The following FAM13A variants were observed in gnomAD, a reference collection of about 807,000 sequenced individuals.
FAM13A encodes the protein protein FAM13A.
FAM13A carries 76 observed loss-of-function variants against 129.6 expected under a neutral mutation model. The ratio of observed to expected loss-of-function variants is 0.59; its 90% CI spans 0.49 to 0.71. The LOEUF (loss-of-function observed/expected upper bound fraction) is 0.71, where lower values mean the gene tolerates loss of function less well. FAM13A is among the 30% of genes least tolerant of loss of function. FAM13A has a pLI of 0.00. For missense variants in FAM13A, 1,108 were observed against 1,249.3 expected (o/e 0.89, Z 1.70); for synonymous variants, 443 against 449.9 (o/e 0.98, Z 0.20).
At chr4:89,022,707 A>G (rs1466096548) in intron 2 of FAM13A, among the ~76,000 whole-genome samples, 1 of 152,146 alleles carries the variant, frequency 6.6e-6, no homozygotes, top group African/African-American at 2.4e-5. Flanking sequence ...ATATTTTAAG[A>G]TTAAGTTATA....
intron 4 of FAM13A, among the ~76,000 whole-genome samples, chr4:88,984,752 T>C (rs944668317): frequency 6.6e-6 from 1 of 152,208 alleles, no homozygotes; most frequent in Admixed American, 6.5e-5. Context: ...GTTTTATTTT[T>C]CTTTGAATAT....
At chr4:88,931,297 T>C (rs1015649636) in intron 5 of FAM13A, among the ~76,000 whole-genome samples, 2 of 152,158 alleles carry the variant, frequency 1.3e-5, no homozygotes, top group South Asian at 2.1e-4. Context: ...TGGGATTCTG[T>C]GTGGGTTCCC....
chr4:88,817,206 T>A (rs1265130495), intron 7 of FAM13A, among the ~76,000 whole-genome samples: 48 of 152,200 alleles, frequency 3.2e-4, no homozygotes, highest in Non-Finnish European at 1.0e-4. Flanking sequence ...GTGAATATAC[T>A]CAAAACTATT....
At chr4:88,987,837 T>TAAAAAAAAAA (rs1762432263) in intron 4 of FAM13A, among the ~76,000 whole-genome samples, 1 of 15,444 alleles carries the variant, frequency 6.5e-5, no homozygotes, top group African/African-American at 3.2e-4. Flanking sequence ...GAGACTCCTC[T>TAAAAAAAAAA]CAAAAAAAAA....
At chr4:88,848,004 T>C (rs1028417398) in intron 7 of FAM13A, among the ~76,000 whole-genome samples, 1 of 152,198 alleles carries the variant, frequency 6.6e-6, no homozygotes, top group Non-Finnish European at 1.5e-5. Context: ...TTCTTTTTAC[T>C]ATTTCACTTA....
intron 3 of FAM13A, among the ~76,000 whole-genome samples, chr4:89,009,764 G>T (rs553526528): frequency 8.5e-5 from 13 of 152,172 alleles, no homozygotes; most frequent in Non-Finnish European, 1.3e-4. Context: ...AGGAGAAAAG[G>T]GTTGACAAAC....
At chr4:89,014,255 G>T (rs565667474) in intron 3 of FAM13A, among the ~76,000 whole-genome samples, 2 of 152,164 alleles carry the variant, frequency 1.3e-5, no homozygotes, top group Non-Finnish European at 2.9e-5. Context: ...ACTATGTGGT[G>T]GGAAGAGGTG....
At chr4:88,930,588 G>A (rs533161889) in intron 5 of FAM13A, among the ~76,000 whole-genome samples, 1 of 152,148 alleles carries the variant, frequency 6.6e-6, no homozygotes, top group Non-Finnish European at 1.5e-5. Context: ...AATGGATTAA[G>A]TGTCCCTGTT....
intron 4 of FAM13A, among the ~76,000 whole-genome samples, chr4:88,950,162 A>C (rs1411130905): frequency 6.6e-6 from 1 of 151,902 alleles, no homozygotes; most frequent in Non-Finnish European, 1.5e-5. Flanking sequence ...AGTAATTATT[A>C]TTCTTAAGGA....
intron 6 of FAM13A, among the ~76,000 whole-genome samples, chr4:88,905,958 A>G (rs1320293439): frequency 1.3e-5 from 2 of 152,188 alleles, no homozygotes. Context: ...GGCTGAAGGA[A>G]ATGCAATCAA....
intron 14 of FAM13A, among the ~76,000 whole-genome samples, chr4:88,756,283 T>G (rs1743615252): frequency 6.6e-6 from 1 of 152,256 alleles, no homozygotes; most frequent in African/African-American, 2.4e-5. Flanking sequence ...ACATTCACTT[T>G]GCGAGAGTTC....
chr4:88,818,559 T>C (rs562739711), intron 7 of FAM13A, among the ~76,000 whole-genome samples: 4 of 152,318 alleles, frequency 2.6e-5, no homozygotes, highest in African/African-American at 9.6e-5. Context: ...ATCTTCTTTA[T>C]TTGGAGTAAT....
chr4:88,731,672 T>C (rs1388925718), intron 22 of FAM13A: 1 of 531,946 alleles, frequency 1.9e-6, no homozygotes, highest in Non-Finnish European at 3.3e-6. Context: ...TGAAATCCCA[T>C]GGCACTTTGT....
Position 88,767,601 on chromosome 4 carries a change from A to G in FAM13A, c.1536-6T>C. 1 of 1,591,470 alleles carries G rather than the reference A, an allele frequency of 6.3e-7. No homozygotes were observed. Among genetic ancestry groups the G allele is most frequent in the Non-Finnish European group, 8.5e-7 (1 of 1,171,994 alleles). On this transcript the variant is annotated splice_region_variant and splice_polypyrimidine_tract_variant and intron_variant, in intron 12 of 23. Coordinates refer to ENST00000264344, the MANE Select transcript of FAM13A (RefSeq NM_014883.4). Reference sequence around the variant, plus strand: ...CATCTTTTTCATTTCCTTTCCTATAAATAATGGCAACAACAAAAAAATCAT... The same window carrying G: ...CATCTTTTTCATTTCCTTTCCTATAGATAATGGCAACAACAAAAAAATCAT...
At chr4:88,982,600 G>A (rs188307201) in intron 4 of FAM13A, among the ~76,000 whole-genome samples, 26 of 152,212 alleles carry the variant, frequency 1.7e-4, no homozygotes, top group South Asian at 8.3e-4. Flanking sequence ...CCTTTTATAC[G>A]TCATGCTATC....
chr4:88,895,067 C>T (rs1237979231), intron 6 of FAM13A, among the ~76,000 whole-genome samples: 1 of 151,968 alleles, frequency 6.6e-6, no homozygotes, highest in Non-Finnish European at 1.5e-5. Flanking sequence ...TATGATATGA[C>T]AACACATGAA....
chr4:88,921,896 C>G (rs1315467244), intron 5 of FAM13A, among the ~76,000 whole-genome samples: 1 of 152,014 alleles, frequency 6.6e-6, no homozygotes, highest in African/African-American at 2.4e-5. Context: ...GCAGGGGTGG[C>G]AATCCTAGTC....
chr4:88,860,087 T>C (rs1175648004), intron 6 of FAM13A, among the ~76,000 whole-genome samples: 1 of 152,220 alleles, frequency 6.6e-6, no homozygotes, highest in Non-Finnish European at 1.5e-5. Context: ...AGTTTTTCCT[T>C]ACAGGTTTCT....
intron 6 of FAM13A, among the ~76,000 whole-genome samples, chr4:88,862,567 A>G (rs1303293567): frequency 6.6e-6 from 1 of 152,218 alleles, no homozygotes; most frequent in Admixed American, 6.5e-5. Flanking sequence ...AACTAGGTTC[A>G]GTTTTTGGAC....
Sources: gnomAD v4.1 joint callset for allele counts (sites outside exome capture counted in the v4.1 genomes callset) on GRCh38, gnomAD v4.1.1 for gene constraint, MANE v1.5 for transcripts, NCBI Gene and HGNC (gene_info 2026-07-23, HGNC 2026-07-21) for gene names.